The following SOX30 variants were observed in gnomAD, a reference collection of about 807,000 sequenced individuals.
SOX30 encodes the protein SRY-box transcription factor 30, also known as transcription factor SOX-30.
In SOX30, 17 loss-of-function variants were observed where a neutral mutation model predicts 58.6. That is an observed-to-expected ratio of 0.29 (90% CI 0.20 to 0.44). SOX30 has a LOEUF of 0.44. SOX30 is among the 20% of genes least tolerant of loss of function. SOX30 has a pLI of 1.00. For missense variants in SOX30, 951 were observed against 965.8 expected (o/e 0.98, Z 0.20); for synonymous variants, 421 against 400.2 (o/e 1.05, Z -0.62).
rs1423085633 is a variant in SOX30, at chr5:157,638,687, C to T, written c.1423G>A (p.Ala475Thr). The T allele has an allele frequency of 1.2e-6, 2 of 1,612,984 alleles. No homozygotes were observed. The highest frequency in any genetic ancestry group is 1.7e-6 in the Non-Finnish European group (2 of 1,179,350). ...GTGACAGGGCTTGGGCTCTGGACTG[C>T]AGGTGTGGGCAGCTGGATAGCAGGT... ...TSPAIQLPTP[A>T]VQSPSPVTLF... Residue 475 changes from alanine (A) to threonine (T), a missense_variant, in exon 4 of 5, where the codon GCA (alanine) becomes ACA (threonine). Around this residue, in one of 7 missense-constraint regions of SOX30, gnomAD observed 381 missense variants for 390.0 expected, o/e 0.98. Coordinates refer to ENST00000265007, the MANE Select transcript of SOX30 (RefSeq NM_178424.2).
Position 157,626,206 on chromosome 5 carries a change from G to T in SOX30, c.*134C>A. The T allele has an allele frequency of 1.5e-6, 1 of 688,296 alleles. No homozygotes were observed. 42.6% of individuals were successfully genotyped at this position (688,296 alleles called of 1,614,324 possible). A position where few individuals can be genotyped will look rare whatever the true frequency, so the allele number is the denominator to read the frequency against. On this transcript the variant is annotated 3_prime_UTR_variant, in exon 5 of 5. Coordinates refer to ENST00000265007, the MANE Select transcript of SOX30 (RefSeq NM_178424.2). ...TCAAAATTTTATGAAGACATAAATT[G>T]CATTTGGTTTTAACTCCTCAAATCA...
intron 4 of SOX30, among the ~76,000 whole-genome samples, chr5:157,629,919 A>C (rs1758748254): frequency 6.6e-6 from 1 of 152,226 alleles, no homozygotes; most frequent in Non-Finnish European, 1.5e-5. Flanking sequence ...TAGCTATGCC[A>C]CATAAGAATC....
upstream of SOX30, among the ~76,000 whole-genome samples, chr5:157,657,019 TA>T (rs1759485295): frequency 6.6e-6 from 1 of 152,202 alleles, no homozygotes; most frequent in Admixed American, 6.5e-5. Context: ...AATCTTACCT[TA>T]TAGTCAAACT....
chr5:157,662,566 G>A (rs1025607303), intron 2 of SOX30, among the ~76,000 whole-genome samples: 1 of 152,048 alleles, frequency 6.6e-6, no homozygotes, highest in East Asian at 1.9e-4. Flanking sequence ...TTCCCTGGAG[G>A]TTTTTTCTTT....
At chr5:157,668,843 T>C (rs969068120) in intron 1 of SOX30, among the ~76,000 whole-genome samples, 1 of 152,154 alleles carries the variant, frequency 6.6e-6, no homozygotes, top group Admixed American at 6.5e-5. Context: ...GATGGGTGAC[T>C]GAGCCTGGGA....
chr5:157,646,557 C>T (rs1197689779), intron 3 of SOX30, 80 bp downstream of exon 3: 1 of 1,011,974 alleles, frequency 9.9e-7, no homozygotes, highest in African/African-American at 1.7e-5. Flanking sequence ...TTAAGACTAA[C>T]AGAAAGAACA....
At chr5:157,641,969 G>A (rs944755387) in intron 3 of SOX30, among the ~76,000 whole-genome samples, 3 of 152,238 alleles carry the variant, frequency 2.0e-5, no homozygotes, top group African/African-American at 7.2e-5. Context: ...ATCTAGTACA[G>A]GACAAGTGAT....
rs1759359468 is a variant in SOX30 at position 157,651,901 on chromosome 5, C to G, written c.178G>C (p.Ala60Pro). The part of the protein sequence containing the change: ...TLASSCGEAV[A>P]SGLQPAVRRL... ...CGCACCGCGGGCTGTAAGCCGGACG[C>G]CACTGCCTCCCCGCACGACGAGGCC... is the stretch of plus-strand genomic sequence containing the variant. Residue 60 changes from alanine (A) to proline (P), a missense_variant, in exon 1 of 5, where the codon GCG becomes CCG. By Grantham distance (27) the Ala-to-Pro change is conservative. Transcript: ENST00000265007. 1 of 1,526,870 alleles carries G rather than the reference C, an allele frequency of 6.5e-7. No homozygotes were observed. The highest frequency in any genetic ancestry group is 8.8e-7 in the Non-Finnish European group (1 of 1,141,756). The allele number at this position is 1,526,870 out of a possible 1,614,324, so 94.6% of individuals were successfully genotyped here. A position where few individuals can be genotyped will look rare whatever the true frequency, so the allele number is the denominator to read the frequency against.
At chr5:157,638,826 A>T in intron 3 of SOX30, 104 bp from the exon 4 acceptor site, 1 of 1,124,096 alleles carries the variant, frequency 8.9e-7, no homozygotes, top group South Asian at 1.6e-5. Context: ...GCCTTCATCA[A>T]TCACCTTACC....
intron 1 of SOX30, chr5:157,667,968 A>G (rs1759702955): frequency 3.4e-6 from 4 of 1,187,802 alleles, no homozygotes; most frequent in Non-Finnish European, 3.5e-6. Context: ...CGCCTATCTT[A>G]CAGGCAAGAA....
At chr5:157,663,736 A>T (rs150360650) in intron 2 of SOX30, among the ~76,000 whole-genome samples, 21,135 of 152,152 alleles carry the variant, frequency 0.14, 1,739 homozygotes, top group African/African-American at 0.23. Context: ...CCTTAAGTTG[A>T]TAAGCAACTT....
upstream of SOX30, among the ~76,000 whole-genome samples, chr5:157,655,353 AG>A (rs1483464173): frequency 6.6e-6 from 1 of 152,248 alleles, no homozygotes; most frequent in Non-Finnish European, 1.5e-5. Context: ...ACCCAGATAA[AG>A]AATGGGATTG....
At chr5:157,655,491 C>T (rs1278993925), upstream of SOX30, among the ~76,000 whole-genome samples, 1 of 152,194 alleles carries the variant, frequency 6.6e-6, no homozygotes, top group South Asian at 2.1e-4. Flanking sequence ...TTCTATTCTC[C>T]TTGGAATAAT....
At chr5:157,670,553 A>T (rs1279226143) in intron 1 of SOX30, among the ~76,000 whole-genome samples, 2 of 152,166 alleles carry the variant, frequency 1.3e-5, no homozygotes, top group African/African-American at 4.8e-5. Context: ...GTGAAGAGAG[A>T]TCTATTCCAG....
At chr5:157,654,753 T>C (rs184983524), upstream of SOX30, among the ~76,000 whole-genome samples, 161 of 152,334 alleles carry the variant, frequency 1.1e-3, no homozygotes, top group African/African-American at 3.7e-3. Context: ...AAGATGGTGA[T>C]GAGAATTACC....
chr5:157,661,109 T>C (rs1759570432), intron 2 of SOX30, among the ~76,000 whole-genome samples: 1 of 152,230 alleles, frequency 6.6e-6, no homozygotes, highest in Admixed American at 6.5e-5. Context: ...GGTTGTATGT[T>C]GATTTTTGTA....
intron 4 of SOX30, among the ~76,000 whole-genome samples, chr5:157,631,498 C>T (rs940689149): frequency 2.6e-5 from 4 of 152,164 alleles, no homozygotes; most frequent in South Asian, 2.1e-4. Flanking sequence ...CGGTGGCTCA[C>T]GCCTGTAATC....
chr5:157,646,070 TAAC>T (rs1561584138), intron 3 of SOX30, among the ~76,000 whole-genome samples: 2 of 151,544 alleles, frequency 1.3e-5, no homozygotes, highest in Non-Finnish European at 2.9e-5. Context: ...GATAGCCCTA[TAAC>T]AAGTTATTAA....
At position 157,651,952 on chromosome 5, in the gene SOX30, G is replaced by A. The variant is rs745813885; in HGVS notation, c.127C>T (p.Leu43=). The change falls in exon 1 of 5, where the codon CTG becomes TTG. Residue 43 remains leucine (L), a synonymous_variant. Coordinates refer to ENST00000265007, the MANE Select transcript of SOX30 (RefSeq NM_178424.2). ...AMEPPPSSPT[L]SAAASATLAS... ...AAGGTCGCACTGGCTGCCGCGCTCA[G>A]TGTGGGAGACGACGGAGGGGGCTCC... 2.7e-6 allele frequency: 4 copies of A among 1,479,160 alleles called. No homozygotes were observed. Among genetic ancestry groups the A allele is most frequent in the African/African-American group, 1.4e-5 (1 of 70,742 alleles). The allele number at this position is 1,479,160 out of a possible 1,614,324, so 91.6% of individuals were successfully genotyped here. A position where few individuals can be genotyped will look rare whatever the true frequency, so the allele number is the denominator to read the frequency against.
Sources: gnomAD v4.1 joint callset for allele counts (sites outside exome capture counted in the v4.1 genomes callset) on GRCh38, gnomAD v4.1.1 for gene constraint, gnomAD v4.1.1 regional missense constraint, MANE v1.5 for transcripts, NCBI Gene and HGNC (gene_info 2026-07-23, HGNC 2026-07-21) for gene names.